Variants in ATRNL1 observed in about 807,000 individuals in gnomAD.
ATRNL1 encodes attractin-like protein 1.
In ATRNL1, 95 loss-of-function variants were observed where a neutral mutation model predicts 182.7. The ratio of observed to expected loss-of-function variants is 0.52; its 90% CI spans 0.44 to 0.62. The LOEUF (loss-of-function observed/expected upper bound fraction) is 0.62, where lower values mean the gene tolerates loss of function less well. Among genes scored for constraint, ATRNL1 ranks in the 20% least tolerant of loss-of-function variants. The pLI is 0.00. For missense variants in ATRNL1, 1,471 were observed against 1,679.5 expected (o/e 0.88, Z 2.17); for synonymous variants, 576 against 568.3 (o/e 1.01, Z -0.19).
At chr10:115,675,718 G>T (rs1945840120) in intron 26 of ATRNL1, among the ~76,000 whole-genome samples, 1 of 152,128 alleles carries the variant, frequency 6.6e-6, no homozygotes, top group Non-Finnish European at 1.5e-5. Context: ...CTGGCAAGAT[G>T]TTGTTAATAA....
At chr10:115,231,695 G>T (rs1849959807) in intron 9 of ATRNL1, among the ~76,000 whole-genome samples, 1 of 152,088 alleles carries the variant, frequency 6.6e-6, no homozygotes, top group Non-Finnish European at 1.5e-5. Flanking sequence ...CCTTACCTAG[G>T]AAGAGCATGG....
chr10:115,133,197 C>A (rs1465100591), intron 5 of ATRNL1, among the ~76,000 whole-genome samples: 1 of 152,050 alleles, frequency 6.6e-6, no homozygotes, highest in African/African-American at 2.4e-5. Flanking sequence ...GAATCCTTTC[C>A]CCATTTCTTG....
intron 19 of ATRNL1, among the ~76,000 whole-genome samples, chr10:115,366,797 T>A (rs1232925133): frequency 6.7e-6 from 1 of 150,208 alleles, no homozygotes; most frequent in African/African-American, 2.5e-5. Flanking sequence ...TGGCTGGATA[T>A]GAAATTCTGG....
chr10:115,540,774 G>GTC (rs1852312172), intron 25 of ATRNL1, among the ~76,000 whole-genome samples: 1 of 70,754 alleles, frequency 1.4e-5, no homozygotes, highest in African/African-American at 9.3e-5. Context: ...AAAAAAAAAG[G>GTC]GGGGAGGGAA....
intron 10 of ATRNL1, among the ~76,000 whole-genome samples, chr10:115,254,545 C>T (rs1851031317): frequency 6.6e-6 from 1 of 152,034 alleles, no homozygotes; most frequent in Non-Finnish European, 1.5e-5. Context: ...AGCCCTTTGT[C>T]AGATGGGTAG....
chr10:115,423,364 T>C, intron 20 of ATRNL1, among the ~76,000 whole-genome samples: 1 of 151,928 alleles, frequency 6.6e-6, no homozygotes, highest in Admixed American at 6.6e-5. Context: ...CAAAACCCTG[T>C]CTTAAGAAAA....
At chr10:115,174,163 T>G (rs1422711195) in intron 8 of ATRNL1, among the ~76,000 whole-genome samples, 1 of 151,894 alleles carries the variant, frequency 6.6e-6, no homozygotes, top group African/African-American at 2.4e-5. Flanking sequence ...TTTCACTTGA[T>G]TTTTGTACGT....
At chr10:115,369,726 C>T (rs1474657807) in intron 19 of ATRNL1, among the ~76,000 whole-genome samples, 1 of 152,170 alleles carries the variant, frequency 6.6e-6, no homozygotes, top group Non-Finnish European at 1.5e-5. Flanking sequence ...TCCACATCCT[C>T]TCTAACTCTT....
intron 27 of ATRNL1, among the ~76,000 whole-genome samples, chr10:115,741,570 T>C (rs1403848248): frequency 6.6e-6 from 1 of 152,180 alleles, no homozygotes; most frequent in African/African-American, 2.4e-5. Context: ...AGTTTTATGA[T>C]TAATTTTAGA....
intron 19 of ATRNL1, among the ~76,000 whole-genome samples, chr10:115,363,997 T>C (rs2134167023): frequency 6.6e-6 from 1 of 152,258 alleles, no homozygotes; most frequent in African/African-American, 2.4e-5. Context: ...GACTTGGTGA[T>C]GCGGGCTCTT....
intron 25 of ATRNL1, among the ~76,000 whole-genome samples, chr10:115,527,429 A>G (rs890537617): frequency 3.3e-5 from 5 of 152,118 alleles, no homozygotes; most frequent in African/African-American, 7.2e-5. Context: ...CCAGAGAAGT[A>G]TATCTTAGTG....
chr10:115,482,920 C>T (rs1848838286), intron 24 of ATRNL1, among the ~76,000 whole-genome samples: 1 of 151,198 alleles, frequency 6.6e-6, no homozygotes, highest in Non-Finnish European at 1.5e-5. Flanking sequence ...TGCTTAGGTT[C>T]CCAGTTCTGT....
chr10:115,131,269 C>T (rs961875225), intron 5 of ATRNL1, among the ~76,000 whole-genome samples: 2 of 151,870 alleles, frequency 1.3e-5, no homozygotes, highest in Admixed American at 1.3e-4. Context: ...TTTATAACTA[C>T]ATATATATTT....
At chr10:115,118,954 T>C (rs1051184956) in intron 1 of ATRNL1, among the ~76,000 whole-genome samples, 9 of 152,154 alleles carry the variant, frequency 5.9e-5, no homozygotes, top group Non-Finnish European at 8.8e-5. Flanking sequence ...ACTTGTTACT[T>C]AAAATGTGCT....
At chr10:115,132,904 T>G (rs1457476030) in intron 5 of ATRNL1, among the ~76,000 whole-genome samples, 2 of 152,232 alleles carry the variant, frequency 1.3e-5, no homozygotes, top group Non-Finnish European at 2.9e-5. Flanking sequence ...TGATGGTAGT[T>G]TCTTTTGCTG....
At chr10:115,932,702 T>A (rs1166564012) in intron 28 of ATRNL1, among the ~76,000 whole-genome samples, 1 of 152,212 alleles carries the variant, frequency 6.6e-6, no homozygotes, top group Non-Finnish European at 1.5e-5. Context: ...TTTCTATTTA[T>A]TTTAATGCCA....
intron 25 of ATRNL1, among the ~76,000 whole-genome samples, chr10:115,545,097 T>C (rs1852572678): frequency 6.6e-6 from 1 of 152,054 alleles, no homozygotes; most frequent in African/African-American, 2.4e-5. Flanking sequence ...GAAAAAATGA[T>C]GTTATTCAAA....
At chr10:115,601,443 T>C (rs1248248197) in intron 26 of ATRNL1, among the ~76,000 whole-genome samples, 2 of 152,214 alleles carry the variant, frequency 1.3e-5, no homozygotes, top group Non-Finnish European at 2.9e-5. Context: ...TTCTGTCTGC[T>C]TATTCTATAA....
chr10:115,763,241 A>G (rs932221973), intron 27 of ATRNL1, among the ~76,000 whole-genome samples: 1 of 152,174 alleles, frequency 6.6e-6, no homozygotes, highest in Admixed American at 6.6e-5. Context: ...TTAGACCAAG[A>G]TCTATGTTAA....
Sources: allele counts gnomAD v4.1 joint callset (sites outside exome capture counted in the v4.1 genomes callset), GRCh38; gene constraint gnomAD v4.1.1; transcripts MANE v1.5; gene names NCBI Gene and HGNC (gene_info 2026-07-23, HGNC 2026-07-21).